The following ICAM1 variants were observed in gnomAD, a reference collection of about 807,000 sequenced individuals.
ICAM1 encodes intercellular adhesion molecule 1.
Under a neutral mutation model 42.3 loss-of-function variants are expected in ICAM1, and 28 were observed. The ratio of observed to expected loss-of-function variants is 0.66; its 90% CI spans 0.49 to 0.91. The LOEUF is 0.91. Among genes scored for constraint, ICAM1 ranks in the 40% least tolerant of loss-of-function variants. The pLI is 0.00. For missense variants in ICAM1, 637 were observed against 688.6 expected (o/e 0.93, Z 0.84); for synonymous variants, 304 against 305.9 (o/e 0.99, Z 0.07).
intron 2 of ICAM1, among the ~76,000 whole-genome samples, chr19:10,281,269 G>A (rs1175875694): frequency 2.0e-5 from 3 of 151,464 alleles, no homozygotes; most frequent in Non-Finnish European, 2.9e-5. Flanking sequence ...ACGCCATGCC[G>A]AAGCCCAGCT....
chr19:10,274,737 C>G, intron 1 of ICAM1, 28 bp from the exon 2 acceptor site: 2 of 1,605,140 alleles, frequency 1.2e-6, no homozygotes, highest in Non-Finnish European at 1.7e-6. Context: ...TTTGTAATGC[C>G]TGTCGCCTCT....
chr19:10,272,552 T>C (rs1012033353), intron 1 of ICAM1, among the ~76,000 whole-genome samples: 7 of 119,768 alleles, frequency 5.8e-5, no homozygotes, highest in Non-Finnish European at 9.0e-5. Flanking sequence ...CTTTCTTTCT[T>C]TTCTTTTCTT....
intron 1 of ICAM1, among the ~76,000 whole-genome samples, chr19:10,272,090 A>T (rs2039985720): frequency 6.6e-6 from 1 of 152,188 alleles, no homozygotes; most frequent in Non-Finnish European, 1.5e-5. Context: ...GTTTGAGACC[A>T]GCCTGGCCAA....
chr19:10,283,299 C>CA, intron 2 of ICAM1, 182 bp from the exon 3 acceptor site: 1 of 570,314 alleles, frequency 1.8e-6, no homozygotes, highest in Non-Finnish European at 3.1e-6. Flanking sequence ...ATCCCCTTCA[C>CA]AAACACTCGG....
intron 1 of ICAM1, among the ~76,000 whole-genome samples, chr19:10,272,743 A>G (rs780512191): frequency 4.6e-5 from 7 of 151,288 alleles, no homozygotes; most frequent in Admixed American, 1.3e-4. Flanking sequence ...TCACTGTGTT[A>G]GCCAGGATGG....
Position 10,285,208 on chromosome 19 carries a change from G to T in ICAM1, c.1520G>T (p.Arg507Leu), listed in dbSNP as rs200510339. The change falls in exon 7 of 7, where the codon CGG becomes CTG. Residue 507 changes from arginine (R) to leucine (L), a missense_variant. Coordinates refer to ENST00000264832, the MANE Select transcript of ICAM1 (RefSeq NM_000201.3). Reference sequence around the variant, plus strand: ...AGCACGTACCTCTATAACCGCCAGCGGAAGATCAAGAAATACAGACTACAA... The same window carrying T: ...AGCACGTACCTCTATAACCGCCAGCTGAAGATCAAGAAATACAGACTACAA... ...GLSTYLYNRQRKIKKYRLQQA... is the reference protein window; with the variant it reads ...GLSTYLYNRQLKIKKYRLQQA... The T allele has an allele frequency of 6.2e-7, 1 of 1,614,140 alleles. No individual in the cohort carries two copies. The highest frequency in any genetic ancestry group is 8.5e-7 in the Non-Finnish European group (1 of 1,180,006).
Position 10,285,588 on chromosome 19 carries a change from G to T in ICAM1, c.*301G>T. 1 of 348,852 alleles carries T rather than the reference G, an allele frequency of 2.9e-6. No individual in the cohort carries two copies. The highest frequency in any genetic ancestry group is 5.3e-6 in the Non-Finnish European group (1 of 188,892). 21.6% of individuals were successfully genotyped at this position (348,852 alleles called of 1,614,324 possible). A position where few individuals can be genotyped will look rare whatever the true frequency, so the allele number is the denominator to read the frequency against. ...CCTGATGAGAGGGGAAGTGGTGGGG[G>T]AGACATAGCCCCACCATGAGGACAT... On this transcript the variant is annotated 3_prime_UTR_variant, in exon 7 of 7. Transcript: ENST00000264832.
chr19:10,278,605 C>T lies in ICAM1; in HGVS notation c.331+3577C>T, dbSNP rs192168149. On this transcript the variant is annotated intron_variant, in intron 2 of 6. Coordinates refer to ENST00000264832, the MANE Select transcript of ICAM1 (RefSeq NM_000201.3). The stretch of plus-strand genomic sequence containing the variant: ...TGACACACAGTCTTGCTCTGTCGCC[C>T]AGGCTGGATCACTGCAACCTCCATC... Among the ~76,000 whole-genome samples, 449 of 130,740 alleles carry T rather than the reference C, an allele frequency of 3.4e-3. 6 individuals are homozygous for T. The East Asian group carries it at 0.046, about 13-fold the overall frequency. The allele number at this position is 130,740 out of a possible 152,430, so 85.8% of individuals were successfully genotyped here. A position where few individuals can be genotyped will look rare whatever the true frequency, so the allele number is the denominator to read the frequency against.
chr19:10,284,011 C>G lies in ICAM1; in HGVS notation c.638-22C>G. ...TTCGGGACGTCCATCCCTGTCTGCT[C>G]ACACCTTTCTTCTCTCCCTAGTCCT... is the stretch of plus-strand genomic sequence containing the variant. On this transcript the variant is annotated intron_variant, in intron 3 of 6. Transcript: ENST00000264832. This position sits in a 1 kb window ranked among gnomAD's most constrained non-coding sequence, Gnocchi z 5.4. 6.2e-7 allele frequency: 1 copy of G among 1,604,814 alleles called. No homozygotes were observed. Among genetic ancestry groups the G allele is most frequent in the Non-Finnish European group, 8.5e-7 (1 of 1,173,644 alleles).
chr19:10,271,326 A>G, intron 1 of ICAM1, 100 bp downstream of exon 1: 2 of 1,030,312 alleles, frequency 1.9e-6, no homozygotes, highest in Non-Finnish European at 2.9e-6. Context: ...TGTTTATGGG[A>G]AGGAGGGGCT....
rs765707240 is a variant in ICAM1 at position 10,284,578 on chromosome 19, C to T, written c.1101C>T (p.Arg367=). The T allele has an allele frequency of 1.2e-6, 2 of 1,614,204 alleles. No homozygotes were observed. The highest frequency in any genetic ancestry group is 2.2e-5 in the East Asian group (1 of 44,882). ...AGGCCACCCCAGAGGACAACGGGCG[C>T]AGCTTCTCCTGCTCTGCAACCCTGG... is the stretch of plus-strand genomic sequence containing the variant. The part of the protein sequence containing the change: ...LLKATPEDNG[R]SFSCSATLEV... Residue 367 remains arginine (R), a synonymous_variant, in exon 5 of 7, where the codon CGC becomes CGT. Transcript: ENST00000264832. The surrounding 1 kb of genome is among the most constrained non-coding windows in gnomAD (Gnocchi z 5.4).
At position 10,283,652 on chromosome 19, in the gene ICAM1, A is replaced by C. The variant is rs749083718; in HGVS notation, c.503A>C (p.Glu168Ala). The C allele has an allele frequency of 3.8e-5, 61 of 1,613,818 alleles. No homozygotes were observed. Among genetic ancestry groups the C allele is most frequent in the Middle Eastern group, 3.3e-4 (2 of 6,084 alleles). ...GAGCCAGCTGTGGGGGAGCCCGCTG[A>C]GGTCACGACCACGGTGCTGGTGAGG... Reference protein sequence around the residue: ...KREPAVGEPAEVTTTVLVRRD... With the variant: ...KREPAVGEPAAVTTTVLVRRD... The change falls in exon 3 of 7, where the codon GAG (glutamate) becomes GCG (alanine). Residue 168 changes from glutamate to alanine, a missense_variant. Transcript: ENST00000264832.
chr19:10,276,123 G>A (rs1250803373), intron 2 of ICAM1, among the ~76,000 whole-genome samples: 1 of 151,552 alleles, frequency 6.6e-6, no homozygotes, highest in Non-Finnish European at 1.5e-5. Flanking sequence ...TAACCCAGGG[G>A]TTCGAATCCT....
intron 1 of ICAM1, among the ~76,000 whole-genome samples, chr19:10,274,131 G>A (rs965275635): frequency 2.6e-5 from 4 of 151,864 alleles, no homozygotes; most frequent in Non-Finnish European, 5.9e-5. Context: ...ACCCTGCCCC[G>A]GGACATCTGT....
rs2040006856 is a variant in ICAM1 at position 10,275,001 on chromosome 19, A to G, written c.304A>G (p.Thr102Ala). Residue 102 changes from threonine (T) to alanine (A), a missense_variant, in exon 2 of 7, where the codon ACA becomes GCA. Coordinates refer to ENST00000264832, the MANE Select transcript of ICAM1 (RefSeq NM_000201.3). ...CYSNCPDGQS[T>A]AKTFLTVYWT... ...TTCAAACTGCCCTGATGGGCAGTCA[A>G]CAGCTAAAACCTTCCTCACCGTGTA... 1 of 1,614,032 alleles carries G rather than the reference A, an allele frequency of 6.2e-7. No individual in the cohort carries two copies. Among genetic ancestry groups the G allele is most frequent in the Non-Finnish European group, 8.5e-7 (1 of 1,180,026 alleles).
At chr19:10,281,116 G>A (rs375281201) in intron 2 of ICAM1, among the ~76,000 whole-genome samples, 38 of 150,102 alleles carry the variant, frequency 2.5e-4, no homozygotes, top group East Asian at 1.2e-3. Context: ...CTCGTGATCC[G>A]CCCGCCTTGG....
rs1032185087 is a variant in ICAM1, at chr19:10,285,972, T to A, written c.*685T>A. 1.3e-5 allele frequency: 2 copies of A among 152,512 alleles called. No homozygotes were observed. Among genetic ancestry groups the A allele is most frequent in the African/African-American group, 4.8e-5 (2 of 41,440 alleles). 9.4% of individuals were successfully genotyped at this position (152,512 alleles called of 1,614,324 possible). A position where few individuals can be genotyped will look rare whatever the true frequency, so the allele number is the denominator to read the frequency against. ...AAAGATCAAATGGGGCTGGGACTTC[T>A]CATTGGCCAACCTGCCTTTCCCCAG... On this transcript the variant is annotated 3_prime_UTR_variant, in exon 7 of 7. Transcript: ENST00000264832.
Position 10,284,048 on chromosome 19 carries a change from C to T in ICAM1, c.653C>T (p.Pro218Leu), listed in dbSNP as rs150484122. 117 of 1,613,696 alleles carry T rather than the reference C, an allele frequency of 7.3e-5. No homozygotes were observed. In the African/African-American group the frequency reaches 1.3e-3, roughly 18 times the overall value. ...QLQTFVLPAT[P>L]PQLVSPRVLE... ...CTCTCCCTAGTCCTGCCAGCGACTC[C>T]CCCACAACTTGTCAGCCCCCGGGTC... Residue 218 changes from proline (P) to leucine (L), a missense_variant, in exon 4 of 7, where the codon CCC becomes CTC. Physicochemically the swap from Pro to Leu is moderately conservative, Grantham distance 98. Coordinates refer to ENST00000264832, the MANE Select transcript of ICAM1 (RefSeq NM_000201.3). The surrounding 1 kb of genome is among the most constrained non-coding windows in gnomAD (Gnocchi z 5.4).
chr19:10,276,699 C>T (rs933034939), intron 2 of ICAM1, among the ~76,000 whole-genome samples: 4 of 151,624 alleles, frequency 2.6e-5, no homozygotes, highest in Admixed American at 6.6e-5. Flanking sequence ...GGGCTGGGCA[C>T]GGTGGCTCAC....
Sources: gnomAD v4.1 joint callset for allele counts (sites outside exome capture counted in the v4.1 genomes callset) on GRCh38, gnomAD v4.1.1 for gene constraint, Gnocchi (gnomAD v3.1) non-coding constraint, MANE v1.5 for transcripts, NCBI Gene and HGNC (gene_info 2026-07-23, HGNC 2026-07-21) for gene names.